DKK2: variants seen among roughly 807,000 people sequenced by gnomAD.
The protein encoded by DKK2 is dickkopf-related protein 2.
Under a neutral mutation model 28.1 loss-of-function variants are expected in DKK2, and 11 were observed. The observed-to-expected ratio is 0.39, with a 90% CI of 0.25 to 0.65. DKK2 has a LOEUF of 0.65. Ranked by LOEUF, DKK2 falls within the 30% of genes least tolerant of loss-of-function variation. The pLI is 0.47. For missense variants in DKK2, 326 were observed against 335.5 expected (o/e 0.97, Z 0.22); for synonymous variants, 135 against 126.5 (o/e 1.07, Z -0.45).
intron 1 of DKK2, among the ~76,000 whole-genome samples, chr4:107,021,246 C>G (rs1019171355): frequency 6.6e-6 from 1 of 151,834 alleles, no homozygotes; most frequent in African/African-American, 2.4e-5. Flanking sequence ...ATGGAAACAA[C>G]AAAAAGCCAC....
intron 1 of DKK2, among the ~76,000 whole-genome samples, chr4:106,953,701 C>G (rs1722537523): frequency 1.3e-5 from 2 of 152,128 alleles, no homozygotes; most frequent in South Asian, 4.1e-4. Context: ...AGGATGTTCT[C>G]CTTCAGAAGT....
chr4:107,023,779 C>T (rs1229795756), intron 1 of DKK2, among the ~76,000 whole-genome samples: 5 of 151,762 alleles, frequency 3.3e-5, no homozygotes, highest in South Asian at 2.1e-4. Context: ...AACTATTTTT[C>T]GAAACTAAAA....
rs139391913 is a variant in DKK2 at position 106,934,295 on chromosome 4, C to A, written c.223-8346G>T. On this transcript the variant is annotated intron_variant, in intron 1 of 3. Transcript: ENST00000285311. ...AAAATTAATGCAATTTAAAGAGGAG[C>A]TAATACTACAATACTAAAGTGAAAT... 4.4e-3 allele frequency among the ~76,000 whole-genome samples: 666 copies of A among 152,186 alleles called. 5 individuals carry two copies. Among genetic ancestry groups the A allele is most frequent in the African/African-American group, 0.015 (642 of 41,518 alleles).
At chr4:106,925,647 G>A (rs1724414014) in intron 2 of DKK2, 152 bp downstream of exon 2, 3 of 958,922 alleles carry the variant, frequency 3.1e-6, no homozygotes, top group Non-Finnish European at 4.5e-6. Flanking sequence ...GATTTGGGGA[G>A]GTAATCCAGG....
At chr4:106,939,662 G>A (rs1434635786) in intron 1 of DKK2, among the ~76,000 whole-genome samples, 6 of 152,128 alleles carry the variant, frequency 3.9e-5, no homozygotes, top group Non-Finnish European at 7.3e-5. Context: ...TCAATCCTAA[G>A]CCAAAAGAAC....
chr4:106,972,611 C>T lies in DKK2; in HGVS notation c.223-46662G>A, dbSNP rs772289882. On this transcript the variant is annotated intron_variant, in intron 1 of 3. Transcript: ENST00000285311. The stretch of plus-strand genomic sequence containing the variant: ...AAAATGGGCTTGCAATAAAATTTAC[C>T]GGATAGGATATTTATTAATGCAAGG... 5.5e-4 allele frequency among the ~76,000 whole-genome samples: 84 copies of T among 151,968 alleles called. 1 individual carries two copies. Among genetic ancestry groups the T allele is most frequent in the South Asian group, 1.0e-3 (5 of 4,810 alleles).
intron 1 of DKK2, among the ~76,000 whole-genome samples, chr4:106,977,052 T>A (rs1215534216): frequency 6.6e-6 from 1 of 152,226 alleles, no homozygotes; most frequent in Admixed American, 6.5e-5. Flanking sequence ...TATTTAAGAA[T>A]GTTGAATATT....
chr4:106,982,717 G>A (rs1051766696), intron 1 of DKK2, among the ~76,000 whole-genome samples: 1 of 152,122 alleles, frequency 6.6e-6, no homozygotes, highest in South Asian at 2.1e-4. Flanking sequence ...TGTAGGTTAT[G>A]TAAAGCAGAG....
At chr4:106,928,528 C>A (rs1724455462) in intron 1 of DKK2, among the ~76,000 whole-genome samples, 1 of 152,028 alleles carries the variant, frequency 6.6e-6, no homozygotes, top group African/African-American at 2.4e-5. Context: ...GCTTATGTAA[C>A]TCCTGGATCC....
intron 1 of DKK2, among the ~76,000 whole-genome samples, chr4:106,994,827 G>A (rs1409944096): frequency 6.6e-6 from 1 of 152,202 alleles, no homozygotes; most frequent in South Asian, 2.1e-4. Context: ...CCTGACACTG[G>A]AGGAAGCCCT....
Position 107,027,756 on chromosome 4 carries a change from A to ATTTTTTTTTTTTTTTTTTTTTT in DKK2, c.222+7613_222+7614insAAAAAAAAAAAAAAAAAAAAAA, listed in dbSNP as rs71590176. 6.6e-4 allele frequency among the ~76,000 whole-genome samples: 89 copies of ATTTTTTTTTTTTTTTTTTTTTT among 135,300 alleles called. 5 individuals carry two copies. Among genetic ancestry groups the ATTTTTTTTTTTTTTTTTTTTTT allele is most frequent in the African/African-American group, 2.4e-3 (88 of 36,338 alleles). 88.8% of individuals were successfully genotyped at this position (135,300 alleles called of 152,430 possible). A position where few individuals can be genotyped will look rare whatever the true frequency, so the allele number is the denominator to read the frequency against. ...TTGCTTATGACCTCCACCTATTATG[A>ATTTTTTTTTTTTTTTTTTTTTT]TTTTTTTTTTTTTGAGACAGAGTCT... On this transcript the variant is annotated intron_variant, in intron 1 of 3. Transcript: ENST00000285311.
chr4:106,972,273 T>G (rs1050629788), intron 1 of DKK2, among the ~76,000 whole-genome samples: 3 of 152,010 alleles, frequency 2.0e-5, no homozygotes, highest in African/African-American at 7.2e-5. Flanking sequence ...TTTATCCAGG[T>G]TATTCACTAA....
At chr4:106,942,138 T>G (rs902488638) in intron 1 of DKK2, among the ~76,000 whole-genome samples, 49 of 152,170 alleles carry the variant, frequency 3.2e-4, no homozygotes, top group Non-Finnish European at 7.2e-4. Context: ...GATAGATGCT[T>G]TGGTTTGTGT....
intron 1 of DKK2, among the ~76,000 whole-genome samples, chr4:106,931,161 A>G (rs1005957250): frequency 5.4e-4 from 82 of 152,088 alleles, no homozygotes; most frequent in African/African-American, 1.9e-3. Context: ...TCTAGGGGAT[A>G]AGGGTGTACT....
intron 1 of DKK2, among the ~76,000 whole-genome samples, chr4:106,952,474 G>T (rs1386960734): frequency 6.6e-6 from 1 of 152,034 alleles, no homozygotes; most frequent in Non-Finnish European, 1.5e-5. Flanking sequence ...CAACTTAAAC[G>T]AGATGAAGGT....
chr4:106,996,688 T>C (rs555774565), intron 1 of DKK2, among the ~76,000 whole-genome samples: 12 of 152,280 alleles, frequency 7.9e-5, no homozygotes, highest in African/African-American at 2.6e-4. Context: ...TGCACAAAAT[T>C]GGCTTCCTCT....
rs148355721 is a variant in DKK2 at position 106,934,058 on chromosome 4, TACACACAC to T, written c.223-8117_223-8110del. Among the ~76,000 whole-genome samples, 14 of 140,658 alleles carry T rather than the reference TACACACAC, an allele frequency of 1.0e-4. No homozygotes were observed. In the South Asian group the frequency reaches 1.4e-3, roughly 14 times the overall value. 92.3% of individuals were successfully genotyped at this position (140,658 alleles called of 152,430 possible). ...ATATATACATCTGCATACACACAGA[TACACACAC>T]ACACACACACACACACACACATATG... On this transcript the variant is annotated intron_variant, in intron 1 of 3. Coordinates refer to ENST00000285311, the MANE Select transcript of DKK2 (RefSeq NM_014421.3).
intron 1 of DKK2, among the ~76,000 whole-genome samples, chr4:107,034,849 C>G (rs1221931050): frequency 6.6e-6 from 1 of 152,208 alleles, no homozygotes; most frequent in African/African-American, 2.4e-5. Flanking sequence ...TGAAATCCCT[C>G]TCTGCCACTT....
At chr4:106,954,816 C>T (rs60047659) in intron 1 of DKK2, among the ~76,000 whole-genome samples, 13 of 152,144 alleles carry the variant, frequency 8.5e-5, no homozygotes, top group Admixed American at 2.6e-4. Context: ...CCACTGCACC[C>T]GGCTAGAAAT....
Sources: allele counts gnomAD v4.1 joint callset (sites outside exome capture counted in the v4.1 genomes callset), GRCh38; gene constraint gnomAD v4.1.1; transcripts MANE v1.5; gene names NCBI Gene and HGNC (gene_info 2026-07-23, HGNC 2026-07-21).